ZNF787: variants seen among roughly 807,000 people sequenced by gnomAD.
ZNF787 encodes TTF-I-interacting peptide 20.
A neutral mutation model predicts 16.9 loss-of-function variants in ZNF787; 7 were observed. That is an observed-to-expected ratio of 0.42 (90% CI 0.24 to 0.78). The LOEUF (loss-of-function observed/expected upper bound fraction) is 0.78. Ranked by LOEUF, ZNF787 falls within the 30% of genes least tolerant of loss-of-function variation. The pLI is 0.30. For missense variants in ZNF787, 551 were observed against 589.3 expected (o/e 0.94, Z 0.67); for synonymous variants, 345 against 270.9 (o/e 1.27, Z -2.69).
intron 1 of ZNF787, among the ~76,000 whole-genome samples, chr19:56,108,389 C>G (rs1479712097): frequency 6.6e-6 from 1 of 150,430 alleles, no homozygotes; most frequent in Non-Finnish European, 1.5e-5. Context: ...TCCACCCAAC[C>G]CCTGCCCAGA....
chr19:56,116,360 T>C (rs1315275200), intron 1 of ZNF787, among the ~76,000 whole-genome samples: 2 of 152,056 alleles, frequency 1.3e-5, no homozygotes, highest in East Asian at 3.9e-4. Context: ...GAGAATGGCA[T>C]AAACCCAGGA....
chr19:56,088,617 G>A lies in ZNF787; in HGVS notation c.555C>T (p.Arg185=). 2.0e-6 allele frequency: 3 copies of A among 1,522,066 alleles called. No individual in the cohort carries two copies. Among genetic ancestry groups the A allele is most frequent in the Non-Finnish European group, 2.6e-6 (3 of 1,142,174 alleles). The allele number at this position is 1,522,066 out of a possible 1,614,324, so 94.3% of individuals were successfully genotyped here. The part of the protein sequence containing the change: ...LKPFVCPRCG[R]GFSQPKSLAR... Reference sequence around the variant, plus strand: ...CGAGGCTCTTGGGCTGGCTGAAGCCGCGGCCGCAGCGCGGGCACACGAAGG... The same window carrying A: ...CGAGGCTCTTGGGCTGGCTGAAGCCACGGCCGCAGCGCGGGCACACGAAGG... The change falls in exon 3 of 3, where the codon CGC becomes CGT. Residue 185 remains arginine (R), a synonymous_variant. Transcript: ENST00000610935. This position sits in a 1 kb window ranked among gnomAD's most constrained non-coding sequence, Gnocchi z 8.6.
rs1285130066 is a variant in ZNF787 at position 56,087,499 on chromosome 19, G to A, written c.*524C>T. On this transcript the variant is annotated 3_prime_UTR_variant, in exon 3 of 3. Coordinates refer to ENST00000610935, the MANE Select transcript of ZNF787 (RefSeq NM_001002836.4). Reference sequence around the variant, plus strand: ...TCCAGGAGGGGAAGGAACGACTCGAGCTCTAAGGATGGGACCCGGAAGGCA... The same window carrying A: ...TCCAGGAGGGGAAGGAACGACTCGAACTCTAAGGATGGGACCCGGAAGGCA... 6.6e-6 allele frequency: 1 copy of A among 152,298 alleles called. No individual in the cohort carries two copies. The highest frequency in any genetic ancestry group is 6.5e-5 in the Admixed American group (1 of 15,294). The allele number at this position is 152,298 out of a possible 1,614,324, so 9.4% of individuals were successfully genotyped here.
rs571037388 is a variant in ZNF787 at position 56,103,684 on chromosome 19, G to A, written c.-10-457C>T. Among the ~76,000 whole-genome samples the A allele has an allele frequency of 2.0e-5, 3 of 152,322 alleles. No homozygotes were observed. The South Asian group carries it at 6.2e-4, about 32-fold the overall frequency. ...TGGCAGATACTTACCCATCACAGCAGAAACAGGGCAACAGGCGCCTAAGGG... is the reference window on the plus strand; with the variant it reads ...TGGCAGATACTTACCCATCACAGCAAAAACAGGGCAACAGGCGCCTAAGGG... On this transcript the variant is annotated intron_variant, in intron 1 of 2. Transcript: ENST00000610935.
At chr19:56,113,212 C>T (rs1205392349) in intron 1 of ZNF787, among the ~76,000 whole-genome samples, 1 of 152,148 alleles carries the variant, frequency 6.6e-6, no homozygotes, top group Admixed American at 6.5e-5. Context: ...CAGCACCTCA[C>T]ACCCACTGCC....
intron 1 of ZNF787, among the ~76,000 whole-genome samples, chr19:56,115,331 G>A (rs540547381): frequency 4.2e-4 from 64 of 151,364 alleles, no homozygotes; most frequent in African/African-American, 1.4e-3. Flanking sequence ...CTAGAGGCCG[G>A]CCGCGGCACG....
At chr19:56,106,267 T>C (rs948584573) in intron 1 of ZNF787, among the ~76,000 whole-genome samples, 3 of 152,212 alleles carry the variant, frequency 2.0e-5, no homozygotes, top group Admixed American at 6.5e-5. Context: ...TGCCAGCGTG[T>C]CGCTCCTCTC....
chr19:56,097,177 A>C (rs1985905047), intron 2 of ZNF787, among the ~76,000 whole-genome samples: 1 of 152,180 alleles, frequency 6.6e-6, no homozygotes, highest in Non-Finnish European at 1.5e-5. Context: ...GGTTTTGTGC[A>C]AATCCAACAA....
At position 56,087,750 on chromosome 19, in the gene ZNF787, TTCTCTCCATTG is replaced by T. The variant is rs905251049; in HGVS notation, c.*262_*272del. 38 of 330,656 alleles carry T rather than the reference TTCTCTCCATTG, an allele frequency of 1.1e-4. No individual in the cohort carries two copies. The highest frequency in any genetic ancestry group is 2.7e-4 in the African/African-American group (12 of 45,202). 20.5% of individuals were successfully genotyped at this position (330,656 alleles called of 1,614,324 possible). On this transcript the variant is annotated 3_prime_UTR_variant, in exon 3 of 3. Coordinates refer to ENST00000610935, the MANE Select transcript of ZNF787 (RefSeq NM_001002836.4). The stretch of plus-strand genomic sequence containing the variant: ...CCTGGTCGCCACTCGGCCTCTGCAG[TTCTCTCCATTG>T]TCTCTCCGGCTCGCAGGCCGATAAC...
chr19:56,107,406 G>T (rs578100675), intron 1 of ZNF787, among the ~76,000 whole-genome samples: 16 of 152,278 alleles, frequency 1.1e-4, no homozygotes, highest in African/African-American at 3.8e-4. Context: ...CTGAGCACCT[G>T]CGAGGACCAG....
intron 1 of ZNF787, 141 bp from the exon 2 acceptor site, chr19:56,103,368 A>C: frequency 4.6e-6 from 3 of 651,644 alleles, no homozygotes; most frequent in Non-Finnish European, 5.0e-6. Flanking sequence ...CTACCCCAGG[A>C]CACCGAGAAC....
chr19:56,091,192 C>T (rs1985560334), intron 2 of ZNF787, among the ~76,000 whole-genome samples: 2 of 152,204 alleles, frequency 1.3e-5, no homozygotes, highest in South Asian at 2.1e-4. Context: ...CAGAAAGGGA[C>T]GGGCAGGAAA....
chr19:56,115,384 A>T (rs1184292434), intron 1 of ZNF787, among the ~76,000 whole-genome samples: 1 of 99,758 alleles, frequency 1.0e-5, no homozygotes, highest in African/African-American at 4.1e-5. Context: ...TTTGAGACGG[A>T]GTCTTGCTCT....
rs1433675005 is a variant in ZNF787 at position 56,098,874 on chromosome 19, GGCC to G, written c.79+4262_79+4264del. The stretch of plus-strand genomic sequence containing the variant: ...GGTGATATGGCCACCCGGGTGATAC[GGCC>G]GCAGGGTGATGGAGCCTAGGTGATA... On this transcript the variant is annotated intron_variant, in intron 2 of 2. Coordinates refer to ENST00000610935, the MANE Select transcript of ZNF787 (RefSeq NM_001002836.4). Among the ~76,000 whole-genome samples, 266 of 148,668 alleles carry G rather than the reference GGCC, an allele frequency of 1.8e-3. 1 individual carries two copies. The highest frequency in any genetic ancestry group is 4.0e-3 in the Admixed American group (60 of 15,178).
rs534603820 is a variant in ZNF787 at position 56,115,189 on chromosome 19, C to T, written c.-11+5983G>A. Among the ~76,000 whole-genome samples, 13 of 152,144 alleles carry T rather than the reference C, an allele frequency of 8.5e-5. No homozygotes were observed. In the South Asian group the frequency reaches 2.5e-3, roughly 29 times the overall value. On this transcript the variant is annotated intron_variant, in intron 1 of 2. Coordinates refer to ENST00000610935, the MANE Select transcript of ZNF787 (RefSeq NM_001002836.4). Reference sequence around the variant, plus strand: ...TGTTCATTCTACAGTGACTGGTCTGCGTAGACCTTCCCTCTCGTCTGAGCC... The same window carrying T: ...TGTTCATTCTACAGTGACTGGTCTGTGTAGACCTTCCCTCTCGTCTGAGCC...
At chr19:56,115,397 C>T (rs547904422) in intron 1 of ZNF787, among the ~76,000 whole-genome samples, 66 of 132,892 alleles carry the variant, frequency 5.0e-4, no homozygotes, top group Non-Finnish European at 7.4e-4. Flanking sequence ...CTTGCTCTGT[C>T]GCCCAGGCTG....
At chr19:56,091,106 A>G (rs567206068) in intron 2 of ZNF787, among the ~76,000 whole-genome samples, 49 of 152,354 alleles carry the variant, frequency 3.2e-4, no homozygotes, top group African/African-American at 1.0e-3. Flanking sequence ...TTATAAGCAC[A>G]TTACTTAAAG....
intron 2 of ZNF787, chr19:56,102,691 C>T (rs942856101): frequency 7.3e-6 from 4 of 544,624 alleles, no homozygotes; most frequent in Admixed American, 3.3e-5. Context: ...CCTGAAAAGT[C>T]GGCATCAGCC....
chr19:56,119,642 C>T (rs946681750), intron 1 of ZNF787, among the ~76,000 whole-genome samples: 1 of 152,242 alleles, frequency 6.6e-6, no homozygotes, highest in Non-Finnish European at 1.5e-5. Flanking sequence ...TGCCCAGTCC[C>T]AGAGCTCTTG....
Sources: allele counts gnomAD v4.1 joint callset (sites outside exome capture counted in the v4.1 genomes callset), GRCh38; gene constraint gnomAD v4.1.1; non-coding constraint Gnocchi (gnomAD v3.1); transcripts MANE v1.5; gene names NCBI Gene and HGNC (gene_info 2026-07-23, HGNC 2026-07-21).